Variants in ASCC2 observed in about 807,000 individuals in gnomAD.
ASCC2 encodes activating signal cointegrator 1 complex subunit 2.
ASCC2 carries 42 observed loss-of-function variants against 93.5 expected under a neutral mutation model. The ratio of observed to expected loss-of-function variants is 0.45; its 90% CI spans 0.35 to 0.58. The LOEUF (loss-of-function observed/expected upper bound fraction) is 0.58, where lower values mean the gene tolerates loss of function less well. ASCC2 is among the 20% of genes least tolerant of loss of function. ASCC2 has a pLI of 0.00. For missense variants in ASCC2, 859 were observed against 977.6 expected, an observed-to-expected ratio of 0.88 and a Z score of 1.62; for synonymous variants, 364 against 384.2, an observed-to-expected ratio of 0.95 and a Z score of 0.62.
intron 2 of ASCC2, among the ~76,000 whole-genome samples, chr22:29,827,872 C>T (rs112616107): frequency 8.0e-6 from 1 of 125,734 alleles, no homozygotes; most frequent in African/African-American, 4.2e-5. Flanking sequence ...CACACACACA[C>T]ACACACACCA....
At chr22:29,812,729 C>T (rs1169502997) in intron 8 of ASCC2, among the ~76,000 whole-genome samples, 2 of 152,176 alleles carry the variant, frequency 1.3e-5, no homozygotes, top group Admixed American at 6.5e-5. Flanking sequence ...GGATGCCCTT[C>T]CTGCTATGGG....
At chr22:29,819,792 C>A (rs1045779168) in intron 5 of ASCC2, among the ~76,000 whole-genome samples, 7 of 152,198 alleles carry the variant, frequency 4.6e-5, no homozygotes, top group African/African-American at 1.7e-4. Context: ...AGAATTGTTT[C>A]TCTAACTGTA....
intron 18 of ASCC2, among the ~76,000 whole-genome samples, chr22:29,791,673 C>T (rs553300509): frequency 1.1e-4 from 16 of 152,194 alleles, no homozygotes; most frequent in Admixed American, 6.5e-4. Context: ...GAGAGTGGGA[C>T]GCCATCTCCA....
chr22:29,788,936 T>A lies in ASCC2; in HGVS notation c.*77A>T. ...GTTGAGTTGAACTTGGGGCCCCTAG[T>A]GAGGAGGCCCCAGGCGATGGGAGCA... On this transcript the variant is annotated 3_prime_UTR_variant, in exon 20 of 20. Transcript: ENST00000307790. 1 of 1,578,080 alleles carries A rather than the reference T, an allele frequency of 6.3e-7. No individual in the cohort carries two copies. Among genetic ancestry groups the A allele is most frequent in the Non-Finnish European group, 8.7e-7 (1 of 1,153,256 alleles).
intron 1 of ASCC2, chr22:29,833,677 CA>C: frequency 2.1e-6 from 1 of 466,188 alleles, no homozygotes; most frequent in Admixed American, 2.4e-5. Context: ...TTAGGCCCCT[CA>C]AAAAACATGC....
chr22:29,815,628 G>A (rs970137095), intron 6 of ASCC2, among the ~76,000 whole-genome samples: 13 of 151,920 alleles, frequency 8.6e-5, no homozygotes, highest in East Asian at 1.9e-4. Flanking sequence ...TTTATTTTCC[G>A]AATTTTCTAC....
chr22:29,800,878 C>A, intron 15 of ASCC2, 113 bp downstream of exon 15: 2 of 1,343,352 alleles, frequency 1.5e-6, no homozygotes, highest in Non-Finnish European at 2.0e-6. Flanking sequence ...TGAAGGGATC[C>A]CTGTGCTGAT....
intron 8 of ASCC2, among the ~76,000 whole-genome samples, chr22:29,811,308 T>C (rs1415284065): frequency 2.0e-5 from 3 of 152,152 alleles, no homozygotes; most frequent in African/African-American, 7.2e-5. Context: ...TCTGGAAAAT[T>C]CCACCAAAAA....
chr22:29,824,806 AT>A (rs1380281557), intron 4 of ASCC2, among the ~76,000 whole-genome samples: 1 of 152,200 alleles, frequency 6.6e-6, no homozygotes, highest in Non-Finnish European at 1.5e-5. Flanking sequence ...GTCAGAATCA[AT>A]GTTTTTTCTC....
intron 13 of ASCC2, among the ~76,000 whole-genome samples, chr22:29,804,085 C>T (rs2059401895): frequency 1.3e-5 from 2 of 152,274 alleles, no homozygotes; most frequent in Non-Finnish European, 2.9e-5. Flanking sequence ...GTGTGGTCTT[C>T]ATCTCTCTTA....
Position 29,804,772 on chromosome 22 carries a change from C to G in ASCC2, c.1219G>C (p.Asp407His), listed in dbSNP as rs28265. The G allele has an allele frequency of 0.08, 128,432 of 1,613,996 alleles. 5,808 individuals carry two copies. The highest frequency in any genetic ancestry group is 0.1 in the African/African-American group (7,546 of 74,990). The change falls in exon 13 of 20, where the codon GAC becomes CAC. Residue 407 changes from aspartate to histidine, a missense_variant. Transcript: ENST00000307790. ...QAVESAWEGV[D>H]RRKATDAKDP... ...TTAGCATCTGTGGCTTTCCGTCTGT[C>G]CACCCCTTCCCATGCACTCTCGACT...
chr22:29,822,851 G>C (rs2061754424), intron 4 of ASCC2, among the ~76,000 whole-genome samples: 1 of 149,730 alleles, frequency 6.7e-6, no homozygotes, highest in Non-Finnish European at 1.5e-5. Context: ...CTCTTGAGTA[G>C]CCGGACTACA....
chr22:29,819,442 G>A (rs2061295535), intron 5 of ASCC2, among the ~76,000 whole-genome samples: 2 of 152,064 alleles, frequency 1.3e-5, no homozygotes, highest in Non-Finnish European at 1.5e-5. Flanking sequence ...AATTACAGGC[G>A]TGAGCCACCA....
chr22:29,833,787 G>A (rs1300946909), intron 1 of ASCC2, among the ~76,000 whole-genome samples: 3 of 152,034 alleles, frequency 2.0e-5, no homozygotes, highest in African/African-American at 7.2e-5. Context: ...AAGCAGAGGA[G>A]CATGGGGGAC....
At chr22:29,801,696 G>C (rs1264616843) in intron 14 of ASCC2, among the ~76,000 whole-genome samples, 1 of 152,142 alleles carries the variant, frequency 6.6e-6, no homozygotes, top group Non-Finnish European at 1.5e-5. Flanking sequence ...GAATGTAGGG[G>C]ATCAGAAGGG....
chr22:29,826,691 GAGA>G (rs1444744488), intron 2 of ASCC2, among the ~76,000 whole-genome samples: 1 of 152,062 alleles, frequency 6.6e-6, no homozygotes, highest in African/African-American at 2.4e-5. Context: ...ACAAGGTACA[GAGA>G]AGGTGAGCTG....
chr22:29,832,388 C>G (rs1165607594), intron 1 of ASCC2, 46 bp from the exon 2 acceptor site: 2 of 1,471,338 alleles, frequency 1.4e-6, no homozygotes, highest in Non-Finnish European at 1.9e-6. Context: ...ACACAGACTC[C>G]TGGGGGCAGG....
Position 29,793,400 on chromosome 22 carries a change from C to T in ASCC2, c.1879G>A (p.Ala627Thr), listed in dbSNP as rs1351730556. The T allele has an allele frequency of 4.3e-6, 7 of 1,613,860 alleles. No homozygotes were observed. The East Asian group carries it at 6.7e-5, about 15-fold the overall frequency. ...TCGTCATCAGAGTCTGCATCATTGG[C>T]GCCCACCTGGTTGCCATCGTATGTG... ...DDTYDGNQVGANDADSDDELI... is the reference protein window; with the variant it reads ...DDTYDGNQVGTNDADSDDELI... Residue 627 changes from alanine to threonine, a missense_variant, in exon 17 of 20, where the codon GCC becomes ACC. Ala to Thr is a moderately conservative substitution (Grantham distance 58, BLOSUM62 0). Coordinates refer to ENST00000307790, the MANE Select transcript of ASCC2 (RefSeq NM_032204.5).
chr22:29,796,961 G>A (rs563370198), intron 15 of ASCC2, among the ~76,000 whole-genome samples: 1 of 152,226 alleles, frequency 6.6e-6, no homozygotes, highest in South Asian at 2.1e-4. Flanking sequence ...TCCCTGGCAG[G>A]GCCAGGCAGA....
Sources: allele counts gnomAD v4.1 joint callset (sites outside exome capture counted in the v4.1 genomes callset), GRCh38; gene constraint gnomAD v4.1.1; transcripts MANE v1.5; gene names NCBI Gene and HGNC (gene_info 2026-07-23, HGNC 2026-07-21).